ESF1: variants seen among roughly 807,000 people sequenced by gnomAD.
ESF1 encodes the protein ESF1 homolog.
In ESF1, 58 loss-of-function variants were observed where a neutral mutation model predicts 92.0. The ratio of observed to expected loss-of-function variants is 0.63; its 90% CI spans 0.51 to 0.78. ESF1 has a LOEUF of 0.78. Among genes scored for constraint, ESF1 ranks in the 30% least tolerant of loss-of-function variants. The probability of loss-of-function intolerance (pLI) is 0.00; values close to 1 mark genes in which losing one functional copy is unlikely to be tolerated. For synonymous variants in ESF1, 321 were observed against 313.7 expected, an observed-to-expected ratio of 1.02 and a Z score of -0.24; for missense variants, 922 against 989.1, an observed-to-expected ratio of 0.93 and a Z score of 0.91.
chr20:13,772,914 C>T (rs1979758190), intron 4 of ESF1, among the ~76,000 whole-genome samples: 1 of 152,022 alleles, frequency 6.6e-6, no homozygotes, highest in Non-Finnish European at 1.5e-5. Context: ...AAAAGCAAAA[C>T]AAGATGCTAA....
intron 9 of ESF1, among the ~76,000 whole-genome samples, chr20:13,739,814 T>C (rs913130704): frequency 2.0e-5 from 3 of 150,612 alleles, no homozygotes; most frequent in Admixed American, 2.0e-4. Context: ...TCTGCTATGG[T>C]CTTATATGGA....
intron 13 of ESF1, 100 bp from the exon 14 acceptor site, chr20:13,715,267 AT>A: frequency 8.9e-7 from 1 of 1,124,930 alleles, no homozygotes; most frequent in Non-Finnish European, 1.2e-6. Context: ...TGGTGAGTTG[AT>A]TATATAAAAT....
intron 11 of ESF1, among the ~76,000 whole-genome samples, chr20:13,721,277 T>C (rs1217204521): frequency 2.0e-5 from 3 of 152,176 alleles, no homozygotes; most frequent in African/African-American, 7.2e-5. Context: ...ATTTCGCCTA[T>C]CTCACAAATG....
intron 10 of ESF1, among the ~76,000 whole-genome samples, chr20:13,732,106 A>G (rs2327796): frequency 0.98 from 148,732 of 152,344 alleles, 72,686 homozygotes; most frequent in East Asian, 1. Context: ...AAGCCAGTCA[A>G]TCAGAAGTTC....
Position 13,775,857 on chromosome 20 carries a change from T to G in ESF1, c.1035+16A>C. ...CTGTGTTTTTCACAAATAATCTTGT[T>G]TATTCAAAAGGTTACCTCATCAGCA... On this transcript the variant is annotated intron_variant, in intron 3 of 13. Coordinates refer to ENST00000617257, the MANE Select transcript of ESF1 (RefSeq NM_001276380.2). The G allele has an allele frequency of 6.4e-7, 1 of 1,570,426 alleles. No individual in the cohort carries two copies. Among genetic ancestry groups the G allele is most frequent in the Non-Finnish European group, 8.6e-7 (1 of 1,161,508 alleles).
chr20:13,742,820 T>A (rs570886586), intron 9 of ESF1, among the ~76,000 whole-genome samples: 1 of 152,308 alleles, frequency 6.6e-6, no homozygotes, highest in South Asian at 2.1e-4. Flanking sequence ...ATATCACAGA[T>A]ATGTGCAAAT....
At chr20:13,717,281 A>G (rs2049835533) in intron 13 of ESF1, 87 bp downstream of exon 13, 13 of 1,510,868 alleles carry the variant, frequency 8.6e-6, no homozygotes, top group African/African-American at 1.4e-5. Flanking sequence ...TTCAAGGGTA[A>G]CTTTGACTAT....
Position 13,717,467 on chromosome 20 carries a change from T to C in ESF1, c.2163A>G (p.Lys721=), listed in dbSNP as rs770087736. ...LMMDEDEDSK[K]HFNYNKIVEH... Reference sequence around the variant, plus strand: ...CCACAATCTTGTTGTAATTGAAGTGTTTCTTACTGTCCTCGTCCTCATCCA... The same window carrying C: ...CCACAATCTTGTTGTAATTGAAGTGCTTCTTACTGTCCTCGTCCTCATCCA... Residue 721 remains lysine (K), a synonymous_variant, in exon 13 of 14, where the codon AAA becomes AAG. Coordinates refer to ENST00000617257, the MANE Select transcript of ESF1 (RefSeq NM_001276380.2). The C allele has an allele frequency of 6.2e-7, 1 of 1,614,142 alleles. No individual in the cohort carries two copies. The highest frequency in any genetic ancestry group is 1.7e-5 in the Admixed American group (1 of 60,022).
chr20:13,714,675 C>T lies in ESF1; in HGVS notation c.*199G>A. The T allele has an allele frequency of 2.0e-6, 1 of 494,642 alleles. No homozygotes were observed. Among genetic ancestry groups the T allele is most frequent in the South Asian group, 3.5e-5 (1 of 28,938 alleles). 30.6% of individuals were successfully genotyped at this position (494,642 alleles called of 1,614,324 possible). On this transcript the variant is annotated 3_prime_UTR_variant, in exon 14 of 14. Transcript: ENST00000617257. ...TGCAGGTAATTTAATTATGACTGAT[C>T]TGTAGGAATATACAATAAAAATTTG...
intron 13 of ESF1, among the ~76,000 whole-genome samples, chr20:13,716,804 A>ATATTTTTTTT (rs2049829932): frequency 2.2e-5 from 1 of 45,918 alleles, no homozygotes. Flanking sequence ...CTATACCTGG[A>ATATTTTTTTT]TTTTTTTTTT....
chr20:13,773,987 C>T (rs1979809117), intron 4 of ESF1, among the ~76,000 whole-genome samples: 2 of 151,832 alleles, frequency 1.3e-5, no homozygotes, highest in Non-Finnish European at 2.9e-5. Context: ...CCCAGCTACT[C>T]AGGAGGCTGA....
At position 13,759,440 on chromosome 20, in the gene ESF1, A is replaced by G. The variant is rs146861322; in HGVS notation, c.1828+252T>C. On this transcript the variant is annotated intron_variant, in intron 9 of 13. Coordinates refer to ENST00000617257, the MANE Select transcript of ESF1 (RefSeq NM_001276380.2). ...CCTGGATTCAAGTTTCTATATCTTG[A>G]GAATACAGGCTCAAACCTAGGAAAA... Among the ~76,000 whole-genome samples, 346 of 152,334 alleles carry G rather than the reference A, an allele frequency of 2.3e-3. 2 individuals carry two copies. The highest frequency in any genetic ancestry group is 8.2e-3 in the African/African-American group (339 of 41,582).
chr20:13,769,271 G>A (rs532521025), intron 7 of ESF1, among the ~76,000 whole-genome samples: 1 of 152,016 alleles, frequency 6.6e-6, no homozygotes, highest in African/African-American at 2.4e-5. Context: ...TTATTCCTTA[G>A]GATATTAATA....
At chr20:13,749,598 C>G (rs1250076118) in intron 9 of ESF1, among the ~76,000 whole-genome samples, 2 of 152,000 alleles carry the variant, frequency 1.3e-5, no homozygotes, top group African/African-American at 2.4e-5. Flanking sequence ...TGGAGTCTTG[C>G]TCTGTCACCC....
chr20:13,763,694 C>T (rs184646941), intron 8 of ESF1, among the ~76,000 whole-genome samples: 39 of 151,970 alleles, frequency 2.6e-4, no homozygotes, highest in African/African-American at 6.8e-4. Context: ...GTTCTGTGAA[C>T]AATAAAAAAT....
chr20:13,731,133 G>A (rs2049939784), intron 10 of ESF1, among the ~76,000 whole-genome samples: 1 of 152,000 alleles, frequency 6.6e-6, no homozygotes, highest in Non-Finnish European at 1.5e-5. Flanking sequence ...GCACAAACTC[G>A]AAGCTCCCAG....
In ESF1 at chr20:13,774,836, A is replaced by AT. The variant is rs575844604; in HGVS notation, c.1149+320dup. On this transcript the variant is annotated intron_variant, in intron 4 of 13. Transcript: ENST00000617257. ...GTGGTTTTGTTTCTAGTATAATTAG[A>AT]TTTTTTCCTTAATTGGCCAGTGTTA... Among the ~76,000 whole-genome samples the AT allele has an allele frequency of 3.7e-4, 56 of 152,186 alleles. No homozygotes were observed. The South Asian group carries it at 4.4e-3, about 12-fold the overall frequency.
At chr20:13,734,786 C>G (rs2049965671) in intron 9 of ESF1, among the ~76,000 whole-genome samples, 1 of 151,888 alleles carries the variant, frequency 6.6e-6, no homozygotes, top group South Asian at 2.1e-4. Context: ...AAAGAGACAT[C>G]ATCAAACCAG....
intron 2 of ESF1, among the ~76,000 whole-genome samples, chr20:13,780,412 C>T (rs6033821): frequency 0.73 from 111,259 of 152,124 alleles, 41,056 homozygotes; most frequent in East Asian, 0.9. Flanking sequence ...GCCGGTCCCA[C>T]TCCAATCTTA....
Sources: gnomAD v4.1 joint callset for allele counts (sites outside exome capture counted in the v4.1 genomes callset) on GRCh38, gnomAD v4.1.1 for gene constraint, MANE v1.5 for transcripts, NCBI Gene and HGNC (gene_info 2026-07-23, HGNC 2026-07-21) for gene names.